Variants in SPPL2A observed in about 807,000 individuals in gnomAD.
SPPL2A encodes signal peptide peptidase-like 2A.
A neutral mutation model predicts 63.8 loss-of-function variants in SPPL2A; 51 were observed. The observed-to-expected ratio is 0.80, with a 90% CI of 0.64 to 1.01. The LOEUF is 1.01. Among genes scored for constraint, SPPL2A ranks in the 50% least tolerant of loss-of-function variants. The pLI, the probability that SPPL2A is intolerant of heterozygous loss-of-function variation, is 0.00. For synonymous variants in SPPL2A, 188 were observed against 205.8 expected (o/e 0.91, Z 0.74); for missense variants, 553 against 622.7 (o/e 0.89, Z 1.19).
intron 1 of SPPL2A, among the ~76,000 whole-genome samples, chr15:50,755,980 G>C (rs2062954326): frequency 6.6e-6 from 1 of 152,076 alleles, no homozygotes; most frequent in African/African-American, 2.4e-5. Flanking sequence ...ACCCCACCTT[G>C]AGTAACAAGG....
chr15:50,739,565 A>T lies in SPPL2A; in HGVS notation c.733+115T>A, dbSNP rs2062801204. Reference sequence around the variant, plus strand: ...AATTAAAAAAAAATTAATATTAACCAAATTATTCACATACGTTTTCCAGGT... The same window carrying T: ...AATTAAAAAAAAATTAATATTAACCTAATTATTCACATACGTTTTCCAGGT... On this transcript the variant is annotated intron_variant, in intron 6 of 14. Transcript: ENST00000261854. 7.3e-6 allele frequency: 5 copies of T among 689,234 alleles called. No individual in the cohort carries two copies. In the South Asian group the frequency reaches 1.5e-4, roughly 20 times the overall value. 42.7% of individuals were successfully genotyped at this position (689,234 alleles called of 1,614,324 possible).
At chr15:50,709,744 C>T (rs566060738) in intron 14 of SPPL2A, among the ~76,000 whole-genome samples, 3 of 151,886 alleles carry the variant, frequency 2.0e-5, no homozygotes, top group East Asian at 3.9e-4. Context: ...GACCCAAGAT[C>T]GCGCCACTGC....
intron 1 of SPPL2A, among the ~76,000 whole-genome samples, chr15:50,762,165 C>T (rs575153258): frequency 7.2e-5 from 11 of 151,920 alleles, no homozygotes; most frequent in African/African-American, 2.7e-4. Context: ...GTCAGGAGTT[C>T]GAGACCAGCC....
At chr15:50,719,361 C>T (rs1197416488) in intron 14 of SPPL2A, among the ~76,000 whole-genome samples, 1 of 152,180 alleles carries the variant, frequency 6.6e-6, no homozygotes, top group African/African-American at 2.4e-5. Context: ...TCTCCTGCCT[C>T]AGCCTCCCAA....
intron 12 of SPPL2A, among the ~76,000 whole-genome samples, chr15:50,724,887 A>G (rs1258143931): frequency 6.6e-6 from 1 of 152,254 alleles, no homozygotes; most frequent in East Asian, 1.9e-4. Context: ...TTATCTTAAA[A>G]TATAAGTAAT....
At chr15:50,746,819 C>T (rs547184479) in intron 5 of SPPL2A, 1 of 152,510 alleles carries the variant, frequency 6.6e-6, no homozygotes, top group African/African-American at 2.4e-5. Context: ...AGGCACGCAC[C>T]ACTGCACCCA....
rs770371675 is a variant in SPPL2A, at chr15:50,726,073, T to A, written c.1146+248A>T. 3 of 1,470,126 alleles carry A rather than the reference T, an allele frequency of 2.0e-6. No individual in the cohort carries two copies. The South Asian group carries it at 3.6e-5, about 18-fold the overall frequency. 91.1% of individuals were successfully genotyped at this position (1,470,126 alleles called of 1,614,324 possible). The stretch of plus-strand genomic sequence containing the variant: ...AACATATCTAAAATACAATCCTTAC[T>A]TTCTCATGGGGAGCTGAGGGTTGAC... On this transcript the variant is annotated intron_variant, in intron 11 of 14. Coordinates refer to ENST00000261854, the MANE Select transcript of SPPL2A (RefSeq NM_032802.4).
In SPPL2A at chr15:50,714,598, T is replaced by G. The variant is rs984165396; in HGVS notation, c.1488+5342A>C. Among the ~76,000 whole-genome samples the G allele has an allele frequency of 1.4e-4, 19 of 137,950 alleles. No individual in the cohort carries two copies. In the Admixed American group the frequency reaches 1.5e-3, roughly 11 times the overall value. The allele number at this position is 137,950 out of a possible 152,430, so 90.5% of individuals were successfully genotyped here. ...ATGAGCAAAGATAGTATCATCGCACTCCAGCCTGGGCAATAAGAGTGAAAC... is the reference window on the plus strand; with the variant it reads ...ATGAGCAAAGATAGTATCATCGCACGCCAGCCTGGGCAATAAGAGTGAAAC... On this transcript the variant is annotated intron_variant, in intron 14 of 14. Transcript: ENST00000261854.
Position 50,704,369 on chromosome 15 carries a change from A to C in SPPL2A, c.*3431T>G, listed in dbSNP as rs2062495493. ...AAAAAAAAAAAAAAAAAAAATCTACAAGCTAGAAGAAAATATAATGTATTA... is the reference window on the plus strand; with the variant it reads ...AAAAAAAAAAAAAAAAAAAATCTACCAGCTAGAAGAAAATATAATGTATTA... On this transcript the variant is annotated 3_prime_UTR_variant, in exon 15 of 15. Transcript: ENST00000261854. The C allele has an allele frequency of 6.7e-6, 1 of 149,054 alleles. No individual in the cohort carries two copies. Among genetic ancestry groups the C allele is most frequent in the Non-Finnish European group, 1.5e-5 (1 of 67,074 alleles). 9.2% of individuals were successfully genotyped at this position (149,054 alleles called of 1,614,324 possible).
In SPPL2A at chr15:50,731,625, T is replaced by G. The variant is rs148701069; in HGVS notation, c.1015-586A>C. Among the ~76,000 whole-genome samples, 1,426 of 151,608 alleles carry G rather than the reference T, an allele frequency of 9.4e-3. 23 individuals carry two copies. Among genetic ancestry groups the G allele is most frequent in the Non-Finnish European group, 8.7e-3 (588 of 67,890 alleles). ...TTATGAATTTGGCATATTATATGAA[T>G]GATTAAAAATATTTTAGGCAGGCTG... On this transcript the variant is annotated intron_variant, in intron 9 of 14. Coordinates refer to ENST00000261854, the MANE Select transcript of SPPL2A (RefSeq NM_032802.4).
intron 8 of SPPL2A, among the ~76,000 whole-genome samples, chr15:50,733,418 T>C (rs1433204319): frequency 6.6e-6 from 1 of 152,154 alleles, no homozygotes; most frequent in Non-Finnish European, 1.5e-5. Context: ...ATCTGTATAT[T>C]TTCTTATATC....
Position 50,748,815 on chromosome 15 carries a change from A to C in SPPL2A, c.233T>G (p.Ile78Ser). The stretch of plus-strand genomic sequence containing the variant: ...TTTGCTCTTTATGCCAACAGGAGGA[A>C]TATCAGAAAGGTTGCATAGTGGTGT... ...TSTPLCNLSD[I>S]PPVGIKSKAV... is the part of the protein sequence containing the mutation. Residue 78 changes from isoleucine (I) to serine (S), a missense_variant, in exon 3 of 15, where the codon ATT becomes AGT. Coordinates refer to ENST00000261854, the MANE Select transcript of SPPL2A (RefSeq NM_032802.4). 1.2e-6 allele frequency: 2 copies of C among 1,611,636 alleles called. No homozygotes were observed. Among genetic ancestry groups the C allele is most frequent in the Non-Finnish European group, 1.7e-6 (2 of 1,179,144 alleles).
chr15:50,763,543 G>A (rs1008378786), intron 1 of SPPL2A, among the ~76,000 whole-genome samples: 2 of 152,116 alleles, frequency 1.3e-5, no homozygotes, highest in Admixed American at 6.6e-5. Context: ...CCCTAGAACC[G>A]AGGAATATAG....
chr15:50,758,145 C>T (rs1459854020), intron 1 of SPPL2A, among the ~76,000 whole-genome samples: 1 of 150,820 alleles, frequency 6.6e-6, no homozygotes. Flanking sequence ...AAAAATTAGC[C>T]AGGCAATGTG....
intron 1 of SPPL2A, among the ~76,000 whole-genome samples, chr15:50,755,182 G>C (rs1352085130): frequency 6.6e-6 from 1 of 151,710 alleles, no homozygotes; most frequent in Non-Finnish European, 1.5e-5. Flanking sequence ...GCCAAGCGTG[G>C]TGGCACGTGC....
At position 50,706,210 on chromosome 15, in the gene SPPL2A, T is replaced by C. The variant is rs1404443018; in HGVS notation, c.*1590A>G. ...ATCGAGACCATCCCGGCTAAAACGG[T>C]GAAACCCCGTCTCTACTAAAACTAC... On this transcript the variant is annotated 3_prime_UTR_variant, in exon 15 of 15. Coordinates refer to ENST00000261854, the MANE Select transcript of SPPL2A (RefSeq NM_032802.4). 1 of 150,640 alleles carries C rather than the reference T, an allele frequency of 6.6e-6. No homozygotes were observed. The highest frequency in any genetic ancestry group is 1.5e-5 in the Non-Finnish European group (1 of 67,672). 9.3% of individuals were successfully genotyped at this position (150,640 alleles called of 1,614,324 possible).
At chr15:50,760,326 T>A (rs1417150357) in intron 1 of SPPL2A, among the ~76,000 whole-genome samples, 1 of 151,976 alleles carries the variant, frequency 6.6e-6, no homozygotes, top group Non-Finnish European at 1.5e-5. Context: ...AAAGGCACGA[T>A]CTTGGCTCAC....
intron 9 of SPPL2A, 74 bp downstream of exon 9, chr15:50,732,529 A>G: frequency 1.2e-6 from 1 of 860,260 alleles, no homozygotes; most frequent in Non-Finnish European, 1.8e-6. Flanking sequence ...ATTTAATTGT[A>G]GGTAAATTAT....
chr15:50,754,495 T>A (rs2062937487), intron 1 of SPPL2A, among the ~76,000 whole-genome samples: 1 of 152,352 alleles, frequency 6.6e-6, no homozygotes, highest in East Asian at 1.9e-4. Context: ...GTGAATATAC[T>A]AAATACTATC....
Sources: gnomAD v4.1 joint callset for allele counts (sites outside exome capture counted in the v4.1 genomes callset) on GRCh38, gnomAD v4.1.1 for gene constraint, MANE v1.5 for transcripts, NCBI Gene and HGNC (gene_info 2026-07-23, HGNC 2026-07-21) for gene names.